STRBP: variants seen among roughly 807,000 people sequenced by gnomAD.
STRBP encodes spermatid perinuclear RNA-binding protein.
Under a neutral mutation model 80.1 loss-of-function variants are expected in STRBP, and 13 were observed. The observed-to-expected ratio is 0.16, with a 90% CI of 0.11 to 0.26. The LOEUF (loss-of-function observed/expected upper bound fraction) is 0.26. STRBP is among the 10% of genes least tolerant of loss of function. STRBP has a pLI of 1.00. For synonymous variants in STRBP, 284 were observed against 291.2 expected, an observed-to-expected ratio of 0.98 and a Z score of 0.25; for missense variants, 485 against 815.2, an observed-to-expected ratio of 0.59 and a Z score of 4.93.
intron 16 of STRBP, among the ~76,000 whole-genome samples, chr9:123,134,905 C>T (rs181999392): frequency 9.7e-4 from 148 of 152,270 alleles, no homozygotes; most frequent in African/African-American, 3.2e-3. Context: ...TACTTGTTTT[C>T]GACATGCGTA....
chr9:123,138,842 A>G (rs963607210), intron 14 of STRBP, among the ~76,000 whole-genome samples: 1 of 152,240 alleles, frequency 6.6e-6, no homozygotes, highest in East Asian at 1.9e-4. Flanking sequence ...CTTAATAACT[A>G]CTTATTCATA....
chr9:123,143,827 T>C (rs915882379), intron 13 of STRBP, among the ~76,000 whole-genome samples: 3 of 152,234 alleles, frequency 2.0e-5, no homozygotes, highest in African/African-American at 7.2e-5. Context: ...CTGCTAATAA[T>C]GAAATGTTAG....
At position 123,136,913 on chromosome 9, in the gene STRBP, A is replaced by G. The variant is rs2036379652; in HGVS notation, c.1498-398T>C. ...TTTTCTTCTTTAGGGTTAGGAAGAA[A>G]TAACTCTCAATTTGGGATGTTAGAG... is the stretch of plus-strand genomic sequence containing the variant. On this transcript the variant is annotated intron_variant, in intron 14 of 18. Coordinates refer to ENST00000348403, the MANE Select transcript of STRBP (RefSeq NM_018387.5). This position sits in a 1 kb window ranked among gnomAD's most constrained non-coding sequence, Gnocchi z 4.2. 6.6e-6 allele frequency among the ~76,000 whole-genome samples: 1 copy of G among 152,218 alleles called. No homozygotes were observed. The highest frequency in any genetic ancestry group is 2.4e-5 in the African/African-American group (1 of 41,452).
At chr9:123,191,409 G>A (rs1389160641) in intron 2 of STRBP, among the ~76,000 whole-genome samples, 3 of 152,066 alleles carry the variant, frequency 2.0e-5, no homozygotes, top group Non-Finnish European at 4.4e-5. Context: ...GTGGGGGAGA[G>A]AGGAGGGCCG....
chr9:123,239,240 T>C (rs967602628), intron 1 of STRBP, among the ~76,000 whole-genome samples: 2 of 152,042 alleles, frequency 1.3e-5, no homozygotes, highest in African/African-American at 4.8e-5. Flanking sequence ...CCAGGCATGG[T>C]GGCGGGCGCC....
intron 2 of STRBP, among the ~76,000 whole-genome samples, chr9:123,228,086 G>A (rs1240443322): frequency 6.6e-6 from 1 of 152,218 alleles, no homozygotes; most frequent in Non-Finnish European, 1.5e-5. Flanking sequence ...GATGTGGGAT[G>A]TGAGAAAAGG....
At chr9:123,156,272 G>A (rs1229174815) in intron 11 of STRBP, among the ~76,000 whole-genome samples, 1 of 151,930 alleles carries the variant, frequency 6.6e-6, no homozygotes, top group Non-Finnish European at 1.5e-5. Flanking sequence ...GATGTCACAT[G>A]GGTATGTAAA....
Position 123,136,202 on chromosome 9 carries a change from T to A in STRBP, c.1633-21A>T. On this transcript the variant is annotated intron_variant, in intron 15 of 18. Coordinates refer to ENST00000348403, the MANE Select transcript of STRBP (RefSeq NM_018387.5). This position sits in a 1 kb window ranked among gnomAD's most constrained non-coding sequence, Gnocchi z 4.2. ...TCTACCTACAATCAAGAATAACACC[T>A]TGCAATTATCCCATGCAATTCCTCT... The A allele has an allele frequency of 1.2e-6, 2 of 1,613,884 alleles. No individual in the cohort carries two copies. The highest frequency in any genetic ancestry group is 1.7e-6 in the Non-Finnish European group (2 of 1,179,920).
At chr9:123,158,188 T>C (rs1298493268) in intron 10 of STRBP, 65 bp from the exon 11 acceptor site, 7 of 1,507,102 alleles carry the variant, frequency 4.6e-6, no homozygotes, top group Non-Finnish European at 1.8e-6. Flanking sequence ...TTAGAACATC[T>C]AGCTAAAAAG....
intron 3 of STRBP, 103 bp downstream of exon 3, chr9:123,184,029 A>T: frequency 8.3e-7 from 1 of 1,207,244 alleles, no homozygotes; most frequent in East Asian, 2.4e-5. Flanking sequence ...AAAGCCAAAA[A>T]TTAACACCAC....
chr9:123,236,126 A>G (rs2040554467), intron 2 of STRBP, among the ~76,000 whole-genome samples: 1 of 152,126 alleles, frequency 6.6e-6, no homozygotes, highest in Admixed American at 6.5e-5. Flanking sequence ...AGGAGAAAGG[A>G]CTCCTCCAGC....
intron 1 of STRBP, among the ~76,000 whole-genome samples, chr9:123,256,898 CTTTTTT>C (rs754149758): frequency 8.2e-5 from 11 of 134,302 alleles, no homozygotes; most frequent in African/African-American, 3.0e-4. Flanking sequence ...AGCCAGGAAT[CTTTTTT>C]TTTTTTTTTT....
At chr9:123,255,661 T>C (rs192415401) in intron 1 of STRBP, among the ~76,000 whole-genome samples, 5 of 152,360 alleles carry the variant, frequency 3.3e-5, no homozygotes, top group African/African-American at 7.2e-5. Context: ...ATCAATTATC[T>C]AGATTCTGAT....
At chr9:123,194,675 C>G (rs113693939) in intron 2 of STRBP, among the ~76,000 whole-genome samples, 25 of 152,172 alleles carry the variant, frequency 1.6e-4, no homozygotes, top group Non-Finnish European at 3.2e-4. Context: ...TCCATCAAAA[C>G]AGCTCTTGTC....
intron 13 of STRBP, among the ~76,000 whole-genome samples, chr9:123,145,278 A>G (rs1323871696): frequency 6.6e-6 from 1 of 152,194 alleles, no homozygotes; most frequent in Non-Finnish European, 1.5e-5. Flanking sequence ...TGAATAAAAC[A>G]TAATATTGGG....
intron 1 of STRBP, among the ~76,000 whole-genome samples, chr9:123,246,986 T>C (rs923784436): frequency 3.9e-5 from 6 of 152,204 alleles, no homozygotes; most frequent in African/African-American, 1.4e-4. Flanking sequence ...AATCAAGATC[T>C]GGAAAATGTT....
chr9:123,206,793 C>T (rs2039531776), intron 2 of STRBP, among the ~76,000 whole-genome samples: 1 of 152,146 alleles, frequency 6.6e-6, no homozygotes, highest in Non-Finnish European at 1.5e-5. Flanking sequence ...CACCCGCCAC[C>T]ACGCTCAGCT....
intron 17 of STRBP, among the ~76,000 whole-genome samples, chr9:123,129,883 C>A (rs1226428877): frequency 1.3e-5 from 2 of 152,046 alleles, no homozygotes; most frequent in Non-Finnish European, 2.9e-5. Context: ...TCTGAGTGCT[C>A]ACTAAATCAT....
At chr9:123,207,509 C>A (rs1036441268) in intron 2 of STRBP, among the ~76,000 whole-genome samples, 9 of 151,882 alleles carry the variant, frequency 5.9e-5, no homozygotes, top group African/African-American at 2.2e-4. Flanking sequence ...GTATAAAAAA[C>A]ATTCAAAGTA....
Sources: gnomAD v4.1 joint callset for allele counts (sites outside exome capture counted in the v4.1 genomes callset) on GRCh38, gnomAD v4.1.1 for gene constraint, Gnocchi (gnomAD v3.1) non-coding constraint, MANE v1.5 for transcripts, NCBI Gene and HGNC (gene_info 2026-07-23, HGNC 2026-07-21) for gene names.